The following GRHL2 variants were observed in gnomAD, a reference collection of about 807,000 sequenced individuals.
The protein encoded by GRHL2 is grainyhead like transcription factor 2.
A neutral mutation model predicts 83.8 loss-of-function variants in GRHL2; 21 were observed. The observed-to-expected ratio is 0.25, with a 90% CI of 0.18 to 0.36. GRHL2 has a LOEUF of 0.36. GRHL2 is among the 10% of genes least tolerant of loss of function. The probability of loss-of-function intolerance (pLI) is 1.00; values close to 1 mark genes in which losing one functional copy is unlikely to be tolerated. For missense variants in GRHL2, 623 were observed against 781.8 expected (o/e 0.80, Z 2.42); for synonymous variants, 280 against 278.9 (o/e 1.00, Z -0.04).
At chr8:101,556,569 A>G (rs1040941563) in intron 3 of GRHL2, among the ~76,000 whole-genome samples, 1 of 152,196 alleles carries the variant, frequency 6.6e-6, no homozygotes, top group Non-Finnish European at 1.5e-5. Context: ...ATTTTATTCT[A>G]GTCTGGCAAG....
chr8:101,527,977 AC>A (rs893244055), intron 1 of GRHL2, among the ~76,000 whole-genome samples: 4 of 152,070 alleles, frequency 2.6e-5, no homozygotes, highest in Non-Finnish European at 5.9e-5. Context: ...TTAATCTTCA[AC>A]CCAAAAATGT....
chr8:101,598,581 ATTTTTTTT>A (rs61519476), intron 7 of GRHL2, among the ~76,000 whole-genome samples: 19,158 of 117,560 alleles, frequency 0.16, 1,612 homozygotes, highest in African/African-American at 0.2. Flanking sequence ...GGTCTCCTGA[ATTTTTTTT>A]TTTTTTTTTT....
intron 14 of GRHL2, among the ~76,000 whole-genome samples, chr8:101,655,122 C>T (rs1243405762): frequency 2.0e-5 from 3 of 151,450 alleles, no homozygotes; most frequent in Non-Finnish European, 2.9e-5. Flanking sequence ...GCGGAGGTTG[C>T]GGTGAGCCAA....
intron 4 of GRHL2, among the ~76,000 whole-genome samples, chr8:101,566,736 A>G (rs1811727754): frequency 6.6e-6 from 1 of 151,828 alleles, no homozygotes; most frequent in African/African-American, 2.4e-5. Context: ...GCACTCTGTT[A>G]GGAACATTAA....
At chr8:101,652,009 C>G (rs560866427) in intron 14 of GRHL2, among the ~76,000 whole-genome samples, 1 of 152,236 alleles carries the variant, frequency 6.6e-6, no homozygotes, top group Non-Finnish European at 1.5e-5. Context: ...TGAAGGACAG[C>G]AGGCTCCGTG....
intron 14 of GRHL2, among the ~76,000 whole-genome samples, chr8:101,652,524 G>GTGTGTGTGTGGTGTGTGTGTGGTGTT (rs1813681387): frequency 1.1e-5 from 1 of 88,762 alleles, no homozygotes; most frequent in South Asian, 4.3e-4. Flanking sequence ...TGTGTGTGGT[G>GTGTGTGTGTGGTGTGTGTGTGGTGTT]TGTGTGTGGT....
At chr8:101,565,639 T>TA (rs1285357400) in intron 4 of GRHL2, among the ~76,000 whole-genome samples, 1 of 152,194 alleles carries the variant, frequency 6.6e-6, no homozygotes. Context: ...TTTACTGACT[T>TA]TAGTCATATT....
At chr8:101,531,119 G>A (rs941308259) in intron 1 of GRHL2, among the ~76,000 whole-genome samples, 25 of 151,894 alleles carry the variant, frequency 1.6e-4, no homozygotes, top group African/African-American at 5.3e-4. Context: ...GGCTGAGGTG[G>A]GAGGATCACT....
rs1418717731 is a variant in GRHL2 at position 101,666,489 on chromosome 8, AAAG to A, written c.1764-97_1764-95del. On this transcript the variant is annotated intron_variant, in intron 15 of 15. Coordinates refer to ENST00000646743, the MANE Select transcript of GRHL2 (RefSeq NM_024915.4). ...TCCACTCCTCCCAGCCTCCACCACA[AAAG>A]AATGGCTACGAGAACCCCCAGCCTG... 11 of 741,516 alleles carry A rather than the reference AAAG, an allele frequency of 1.5e-5. No individual in the cohort carries two copies. The Admixed American group carries it at 2.2e-4, about 15-fold the overall frequency. 45.9% of individuals were successfully genotyped at this position (741,516 alleles called of 1,614,324 possible).
chr8:101,534,548 G>A (rs149733830), intron 1 of GRHL2, among the ~76,000 whole-genome samples: 322 of 152,224 alleles, frequency 2.1e-3, no homozygotes, highest in African/African-American at 7.2e-3. Flanking sequence ...CCCTGGTCCA[G>A]TGTGGGAGAG....
At chr8:101,525,371 T>C (rs1385915555) in intron 1 of GRHL2, among the ~76,000 whole-genome samples, 1 of 152,220 alleles carries the variant, frequency 6.6e-6, no homozygotes, top group African/African-American at 2.4e-5. Flanking sequence ...TTATGTGGGT[T>C]ATATCTATTG....
At chr8:101,556,160 G>T (rs499936) in intron 3 of GRHL2, among the ~76,000 whole-genome samples, 149,529 of 152,256 alleles carry the variant, frequency 0.98, 73,484 homozygotes, top group Non-Finnish European at 1. Flanking sequence ...TTTCTCCATG[G>T]TGGTCAGGCT....
At chr8:101,494,153 C>T (rs984071660) in intron 1 of GRHL2, among the ~76,000 whole-genome samples, 3 of 152,006 alleles carry the variant, frequency 2.0e-5, no homozygotes, top group East Asian at 3.9e-4. Flanking sequence ...GGGCCGGTGC[C>T]CCAAGGCCGC....
chr8:101,525,090 T>C (rs1357574446), intron 1 of GRHL2, among the ~76,000 whole-genome samples: 2 of 152,026 alleles, frequency 1.3e-5, no homozygotes, highest in South Asian at 2.1e-4. Context: ...TTACAGGCAC[T>C]GGCCACCAGG....
At chr8:101,654,796 T>G (rs1374952699) in intron 14 of GRHL2, among the ~76,000 whole-genome samples, 2 of 152,148 alleles carry the variant, frequency 1.3e-5, no homozygotes, top group East Asian at 3.9e-4. Context: ...ACTTGATAGG[T>G]TGGAGTTCTG....
At chr8:101,615,805 G>A (rs916266631) in intron 8 of GRHL2, among the ~76,000 whole-genome samples, 1 of 152,128 alleles carries the variant, frequency 6.6e-6, no homozygotes, top group African/African-American at 2.4e-5. Flanking sequence ...ACCATAACCA[G>A]TGCATCTATG....
intron 13 of GRHL2, among the ~76,000 whole-genome samples, chr8:101,647,664 C>A (rs1586169403): frequency 6.6e-6 from 1 of 152,146 alleles, no homozygotes; most frequent in Non-Finnish European, 1.5e-5. Context: ...GAGACACATT[C>A]TATTTATTTA....
chr8:101,518,558 C>T (rs186798391), intron 1 of GRHL2, among the ~76,000 whole-genome samples: 7 of 152,262 alleles, frequency 4.6e-5, no homozygotes, highest in Admixed American at 6.5e-5. Flanking sequence ...GAATATAATA[C>T]AACCATTCTG....
At chr8:101,546,585 A>G (rs755688275) in intron 2 of GRHL2, among the ~76,000 whole-genome samples, 24 of 151,830 alleles carry the variant, frequency 1.6e-4, no homozygotes, top group Non-Finnish European at 2.8e-4. Flanking sequence ...ATTTTTGTAT[A>G]TGTATTTTTA....
Sources: allele counts gnomAD v4.1 joint callset (sites outside exome capture counted in the v4.1 genomes callset), GRCh38; gene constraint gnomAD v4.1.1; transcripts MANE v1.5; gene names NCBI Gene and HGNC (gene_info 2026-07-23, HGNC 2026-07-21).